Variants in LMBRD1 observed in about 807,000 individuals in gnomAD.
The protein encoded by LMBRD1 is LMBR1 domain containing 1.
In LMBRD1, 64 loss-of-function variants were observed where a neutral mutation model predicts 74.8. That is an observed-to-expected ratio of 0.86 (90% CI 0.70 to 1.05). The LOEUF is 1.05. Among genes scored for constraint, LMBRD1 ranks in the 50% least tolerant of loss-of-function variants. The probability of loss-of-function intolerance (pLI) is 0.00; values close to 1 mark genes in which losing one functional copy is unlikely to be tolerated. For synonymous variants in LMBRD1, 204 were observed against 216.3 expected (o/e 0.94, Z 0.50); for missense variants, 652 against 645.9 (o/e 1.01, Z -0.10).
rs1250782789 is a variant in LMBRD1, at chr6:69,674,195, A to G, written c.*1963T>C. ...ATTCTAGATGTCTCTCCCCCTTCTT[A>G]TAAGAACACCAGTCATATTGGATTT... is the stretch of plus-strand genomic sequence containing the variant. On this transcript the variant is annotated 3_prime_UTR_variant, in exon 16 of 16. Transcript: ENST00000649934. 6.6e-6 allele frequency among the ~76,000 whole-genome samples: 1 copy of G among 152,136 alleles called. No individual in the cohort carries two copies. The highest frequency in any genetic ancestry group is 2.1e-4 in the South Asian group (1 of 4,834).
chr6:69,718,865 T>C, intron 8 of LMBRD1, 91 bp downstream of exon 8: 1 of 1,374,734 alleles, frequency 7.3e-7, no homozygotes, highest in African/African-American at 1.4e-5. Flanking sequence ...TGTAAAAAGT[T>C]ATGGGGTTGA....
At chr6:69,703,846 C>T (rs747498189) in intron 9 of LMBRD1, among the ~76,000 whole-genome samples, 1 of 152,026 alleles carries the variant, frequency 6.6e-6, no homozygotes, top group African/African-American at 2.4e-5. Context: ...TAACATGTTA[C>T]CTTATCATTC....
chr6:69,779,217 C>T (rs1007573766), intron 3 of LMBRD1, among the ~76,000 whole-genome samples: 6 of 141,066 alleles, frequency 4.3e-5, no homozygotes, highest in African/African-American at 1.5e-4. Context: ...CAATGGAACT[C>T]GAAAACATAT....
chr6:69,760,343 T>C (rs1765349267), intron 3 of LMBRD1, among the ~76,000 whole-genome samples: 2 of 152,138 alleles, frequency 1.3e-5, no homozygotes, highest in South Asian at 4.1e-4. Context: ...TCATATAAAG[T>C]TCAGAAATGT....
chr6:69,784,519 C>T (rs1246820513), intron 2 of LMBRD1, among the ~76,000 whole-genome samples: 1 of 152,162 alleles, frequency 6.6e-6, no homozygotes, highest in Non-Finnish European at 1.5e-5. Flanking sequence ...CAGTATACTA[C>T]AGGAATCTAG....
intron 9 of LMBRD1, among the ~76,000 whole-genome samples, chr6:69,706,666 C>G (rs1357192906): frequency 6.6e-6 from 1 of 151,958 alleles, no homozygotes; most frequent in Non-Finnish European, 1.5e-5. Flanking sequence ...AATGTTTTAC[C>G]CTGAGAATGC....
intron 14 of LMBRD1, among the ~76,000 whole-genome samples, chr6:69,690,187 T>G (rs1765847969): frequency 6.6e-6 from 1 of 152,078 alleles, no homozygotes; most frequent in Non-Finnish European, 1.5e-5. Context: ...GCAAGTCTAT[T>G]TATACTCATT....
intron 5 of LMBRD1, 68 bp downstream of exon 5, chr6:69,749,273 C>CTTTTTTTTTTTTTTT: frequency 1.6e-6 from 2 of 1,237,270 alleles, no homozygotes; most frequent in African/African-American, 3.4e-5. Context: ...CTGAATGATC[C>CTTTTTTTTTTTTTTT]TTTTATTTTT....
intron 7 of LMBRD1, among the ~76,000 whole-genome samples, chr6:69,737,460 A>G (rs1364479870): frequency 6.6e-6 from 1 of 151,934 alleles, no homozygotes; most frequent in Non-Finnish European, 1.5e-5. Flanking sequence ...TATATAAAAT[A>G]TCTGATTTTA....
chr6:69,785,263 A>G (rs997144812), intron 2 of LMBRD1, among the ~76,000 whole-genome samples: 1 of 152,206 alleles, frequency 6.6e-6, no homozygotes, highest in African/African-American at 2.4e-5. Context: ...TACACGATAG[A>G]GAACTCCAGT....
At chr6:69,760,527 T>C (rs1406283572) in intron 3 of LMBRD1, among the ~76,000 whole-genome samples, 3 of 152,188 alleles carry the variant, frequency 2.0e-5, no homozygotes, top group Non-Finnish European at 4.4e-5. Context: ...ATAAATAGTC[T>C]GCTAAGCATA....
Position 69,697,657 on chromosome 6 carries a change from A to G in LMBRD1, c.1339-16T>C, listed in dbSNP as rs761746742. On this transcript the variant is annotated splice_polypyrimidine_tract_variant and intron_variant, in intron 13 of 15. Transcript: ENST00000649934. Reference sequence around the variant, plus strand: ...TTATATTAGTCTGAAAGATAAAAATACAGTTAAAATATAAAAACCGCATTA... The same window carrying G: ...TTATATTAGTCTGAAAGATAAAAATGCAGTTAAAATATAAAAACCGCATTA... 2 of 1,453,860 alleles carry G rather than the reference A, an allele frequency of 1.4e-6. No individual in the cohort carries two copies. The highest frequency in any genetic ancestry group is 1.9e-6 in the Non-Finnish European group (2 of 1,036,874). 90.1% of individuals were successfully genotyped at this position (1,453,860 alleles called of 1,614,324 possible).
chr6:69,790,571 T>A, intron 1 of LMBRD1, 99 bp from the exon 2 acceptor site: 1 of 1,184,654 alleles, frequency 8.4e-7, no homozygotes, highest in Non-Finnish European at 1.2e-6. Context: ...TTATGTGAAG[T>A]AAAGGTTATT....
intron 9 of LMBRD1, among the ~76,000 whole-genome samples, chr6:69,707,446 T>A (rs1766284232): frequency 6.6e-6 from 1 of 152,194 alleles, no homozygotes; most frequent in South Asian, 2.1e-4. Flanking sequence ...GTATCTACCA[T>A]AAAATGTGTC....
chr6:69,742,428 AC>A (rs1767125219), intron 5 of LMBRD1, among the ~76,000 whole-genome samples: 1 of 152,152 alleles, frequency 6.6e-6, no homozygotes, highest in Non-Finnish European at 1.5e-5. Flanking sequence ...TTGTTTTTCA[AC>A]CCACAGGTGA....
chr6:69,777,958 C>A (rs553679928), intron 3 of LMBRD1, among the ~76,000 whole-genome samples: 22 of 152,322 alleles, frequency 1.4e-4, no homozygotes, highest in African/African-American at 5.3e-4. Flanking sequence ...AAAGAAACAG[C>A]TGAGCTTCAG....
chr6:69,736,272 T>C (rs758833510), intron 7 of LMBRD1, among the ~76,000 whole-genome samples: 8 of 152,184 alleles, frequency 5.3e-5, no homozygotes, highest in Non-Finnish European at 1.2e-4. Flanking sequence ...TCTTGGTAGA[T>C]GCAGAAAATA....
intron 13 of LMBRD1, among the ~76,000 whole-genome samples, chr6:69,698,579 A>G (rs966335628): frequency 6.6e-6 from 1 of 151,984 alleles, no homozygotes; most frequent in African/African-American, 2.4e-5. Flanking sequence ...ACCACCACCA[A>G]TAAATCAGCA....
intron 14 of LMBRD1, among the ~76,000 whole-genome samples, chr6:69,691,440 G>T (rs966314751): frequency 6.6e-6 from 1 of 151,810 alleles, no homozygotes; most frequent in African/African-American, 2.4e-5. Context: ...GCTCTTTATG[G>T]CCTTTATTCC....
Sources: gnomAD v4.1 joint callset for allele counts (sites outside exome capture counted in the v4.1 genomes callset) on GRCh38, gnomAD v4.1.1 for gene constraint, MANE v1.5 for transcripts, NCBI Gene and HGNC (gene_info 2026-07-23, HGNC 2026-07-21) for gene names.